Variants in SETD1B observed in about 807,000 individuals in gnomAD.
The protein encoded by SETD1B is SET domain containing 1B, histone lysine methyltransferase.
SETD1B carries 7 observed loss-of-function variants against 148.0 expected under a neutral mutation model. The observed-to-expected ratio is 0.05, with a 90% confidence interval of 0.03 to 0.09. The LOEUF (loss-of-function observed/expected upper bound fraction) is 0.09. SETD1B is among the 10% of genes least tolerant of loss of function. SETD1B has a pLI of 1.00. For missense variants in SETD1B, 2,155 were observed against 2,729.9 expected, an observed-to-expected ratio of 0.79 and a Z score of 4.69; for synonymous variants, 1,361 against 1,186.5, an observed-to-expected ratio of 1.15 and a Z score of -3.02.
the SETD1B span, among the ~76,000 whole-genome samples, chr12:121,798,544 CT>C: frequency 6.6e-6 from 1 of 152,234 alleles, no homozygotes. Context: ...AGCAGGCATC[CT>C]TATCACTTTA....
Position 121,805,147 on chromosome 12 carries a change from C to G in SETD1B, c.204C>G (p.Val68=). Residue 68 remains valine, a synonymous_variant, in exon 3 of 17, where the codon GTC becomes GTG. Coordinates refer to ENST00000604567, the MANE Select transcript of SETD1B (RefSeq NM_001353345.2). This position sits in a 1 kb window ranked among gnomAD's most constrained non-coding sequence, Gnocchi z 4.2. ...CCAGCAACCGCCCGGTGGAAATTGT[C>G]GAAGATCCCCGGGTCGTCGGGATCT... ...AMSSNRPVEI[V]EDPRVVGIWT... is the part of the protein sequence containing the mutation. 1 of 1,551,648 alleles carries G rather than the reference C, an allele frequency of 6.4e-7. No homozygotes were observed. The highest frequency in any genetic ancestry group is 8.7e-7 in the Non-Finnish European group (1 of 1,146,978).
chr12:121,822,814 C>T lies in SETD1B; in HGVS notation c.4235C>T (p.Ala1412Val). 6.6e-7 allele frequency: 1 copy of T among 1,505,240 alleles called. No individual in the cohort carries two copies. The allele number at this position is 1,505,240 out of a possible 1,614,324, so 93.2% of individuals were successfully genotyped here. Reference sequence around the variant, plus strand: ...CCCGGCAGCCCCTTCTCCTACCCAGCCCCGTCCCCTAGCTTGAGCAGTGGG... The same window carrying T: ...CCCGGCAGCCCCTTCTCCTACCCAGTCCCGTCCCCTAGCTTGAGCAGTGGG... ...QVPGSPFSYP[A>V]PSPSLSSGGL... The change falls in exon 12 of 17, where the codon GCC (alanine) becomes GTC (valine). Residue 1412 changes from alanine (A) to valine (V), a missense_variant. This residue lies in a region of SETD1B where 862 missense variants were observed against 873.8 expected (regional missense o/e 0.99). Transcript: ENST00000604567.
At chr12:121,797,609 G>A in the SETD1B span, 2 of 456,404 alleles carry the variant, frequency 4.4e-6, no homozygotes, top group South Asian at 1.5e-5. Context: ...ATCCAGGGAG[G>A]GGAGAAACTG....
the SETD1B span, among the ~76,000 whole-genome samples, chr12:121,798,283 C>G: frequency 1.3e-5 from 2 of 152,354 alleles, no homozygotes; most frequent in East Asian, 3.9e-4. Context: ...GGGGAAAGGC[C>G]TGCAGCTGGA....
rs897085247 is a variant in SETD1B at position 121,804,300 on chromosome 12, C to G, written c.-15+67C>G. The G allele has an allele frequency of 2.1e-5, 3 of 146,008 alleles. No homozygotes were observed. Among genetic ancestry groups the G allele is most frequent in the Admixed American group, 2.0e-4 (3 of 14,734 alleles). 9.0% of individuals were successfully genotyped at this position (146,008 alleles called of 1,614,324 possible). A position where few individuals can be genotyped will look rare whatever the true frequency, so the allele number is the denominator to read the frequency against. ...GGGCGGCCCAAGCCCCCGGCCCCGG[C>G]CCTGGCCCGAGCGGGCGAGCGGGCG... On this transcript the variant is annotated intron_variant, in intron 1 of 16. Transcript: ENST00000604567. The surrounding 1 kb of genome is among the most constrained non-coding windows in gnomAD (Gnocchi z 4.6).
chr12:121,808,435 G>C lies in SETD1B; in HGVS notation c.657+115G>C. 3.0e-6 allele frequency: 2 copies of C among 661,644 alleles called. No homozygotes were observed. Among genetic ancestry groups the C allele is most frequent in the Admixed American group, 2.5e-5 (1 of 40,098 alleles). 41.0% of individuals were successfully genotyped at this position (661,644 alleles called of 1,614,324 possible). A position where few individuals can be genotyped will look rare whatever the true frequency, so the allele number is the denominator to read the frequency against. On this transcript the variant is annotated intron_variant, in intron 5 of 16. Transcript: ENST00000604567. This position sits in a 1 kb window ranked among gnomAD's most constrained non-coding sequence, Gnocchi z 5.3. ...CCCAGCCTACCCCCACCTCACTCCAGCTTTGGAGACCAAGGCCTAGGAGGG... is the reference window on the plus strand; with the variant it reads ...CCCAGCCTACCCCCACCTCACTCCACCTTTGGAGACCAAGGCCTAGGAGGG...
chr12:121,807,457 A>AAAAG (rs762603037), intron 4 of SETD1B, among the ~76,000 whole-genome samples: 32 of 144,558 alleles, frequency 2.2e-4, no homozygotes, highest in African/African-American at 6.4e-4. Flanking sequence ...AAAAAAAAAA[A>AAAAG]AAAAGAAAAG....
rs758061996 is a variant in SETD1B at position 121,805,103 on chromosome 12, A to G, written c.175-15A>G. On this transcript the variant is annotated splice_polypyrimidine_tract_variant and intron_variant, in intron 2 of 16. Transcript: ENST00000604567. The surrounding 1 kb of genome is among the most constrained non-coding windows in gnomAD (Gnocchi z 4.2). ...ACCAGTTCTCTCATCCCGGCCCCCC[A>G]ATTTCTCCCCACAGATGTCCAGCAA... The G allele has an allele frequency of 1.3e-6, 2 of 1,550,626 alleles. No homozygotes were observed. The highest frequency in any genetic ancestry group is 2.4e-5 in the South Asian group (2 of 84,026).
chr12:121,807,621 G>A (rs746548539), intron 4 of SETD1B, among the ~76,000 whole-genome samples: 16 of 151,880 alleles, frequency 1.1e-4, no homozygotes. Context: ...ATAACCCCTG[G>A]GCCCTGGTCT....
chr12:121,807,651 G>T (rs1464682752), intron 4 of SETD1B, among the ~76,000 whole-genome samples: 1 of 152,076 alleles, frequency 6.6e-6, no homozygotes, highest in Non-Finnish European at 1.5e-5. Context: ...TCCTTCTGCT[G>T]AGGGGTGGAG....
intron 13 of SETD1B, among the ~76,000 whole-genome samples, chr12:121,826,903 ATATGC>A (rs1321504469): frequency 6.6e-6 from 1 of 151,654 alleles, no homozygotes; most frequent in Non-Finnish European, 1.5e-5. Context: ...GGGGAGGCTG[ATATGC>A]TATCACCACG....
chr12:121,814,098 C>G lies in SETD1B; in HGVS notation c.1891-8C>G. The G allele has an allele frequency of 6.5e-7, 1 of 1,545,736 alleles. No individual in the cohort carries two copies. The highest frequency in any genetic ancestry group is 2.5e-5 in the East Asian group (1 of 40,794). On this transcript the variant is annotated splice_region_variant and splice_polypyrimidine_tract_variant and intron_variant, in intron 6 of 16. Transcript: ENST00000604567. ...TCACCTCACTGTCTCTCCCTGCTCT[C>G]TCTGCAGGGCCAGCAGTCCTCAGGC...
upstream of SETD1B, chr12:121,801,035 G>C (rs1302461086): frequency 2.6e-5 from 4 of 152,214 alleles, no homozygotes; most frequent in Non-Finnish European, 5.9e-5. Flanking sequence ...TTTGGGAGGA[G>C]GAGCGAGCGC....
chr12:121,807,497 T>G (rs545220548), intron 4 of SETD1B, among the ~76,000 whole-genome samples: 1 of 150,012 alleles, frequency 6.7e-6, no homozygotes, highest in South Asian at 2.1e-4. Flanking sequence ...ACAAAAGCCC[T>G]CAGAGACTGC....
At chr12:121,794,724 T>C in the SETD1B span, among the ~76,000 whole-genome samples, 24 of 151,960 alleles carry the variant, frequency 1.6e-4, no homozygotes, top group Non-Finnish European at 2.6e-4. Context: ...CTCCTCACCC[T>C]GGGCGGGCTG....
intron 7 of SETD1B, among the ~76,000 whole-genome samples, chr12:121,816,280 C>T (rs1687743527): frequency 6.6e-6 from 1 of 151,846 alleles, no homozygotes; most frequent in South Asian, 2.1e-4. Flanking sequence ...GCTCCCCTCC[C>T]TCGACCGTGG....
chr12:121,808,676 G>C lies in SETD1B; in HGVS notation c.657+356G>C, dbSNP rs1482160271. Among the ~76,000 whole-genome samples the C allele has an allele frequency of 6.6e-6, 1 of 152,166 alleles. No individual in the cohort carries two copies. Among genetic ancestry groups the C allele is most frequent in the Non-Finnish European group, 1.5e-5 (1 of 68,026 alleles). On this transcript the variant is annotated intron_variant, in intron 5 of 16. Coordinates refer to ENST00000604567, the MANE Select transcript of SETD1B (RefSeq NM_001353345.2). The surrounding 1 kb of genome is among the most constrained non-coding windows in gnomAD (Gnocchi z 5.3). ...GCTGTTTCCGGGGTCCTTAGTGTCT[G>C]GTGTCCTGGGCATGCCACTACCCCT...
intron 13 of SETD1B, among the ~76,000 whole-genome samples, chr12:121,827,048 A>G: frequency 6.6e-6 from 1 of 151,976 alleles, no homozygotes; most frequent in Non-Finnish European, 1.5e-5. Context: ...CCAGGAGAGA[A>G]GTGGTGACTG....
At position 121,814,264 on chromosome 12, in the gene SETD1B, G is replaced by A. The variant is rs1441718076; in HGVS notation, c.2049G>A (p.Pro683=). ...TAGCCCCAACCCTGCCGCTGCCCCC[G>A]CCACCTGGCTTCCCCCCGCTGCCCC... ...SVLAPTLPLP[P]PPGFPPLPPP... Residue 683 remains proline (P), a synonymous_variant, in exon 7 of 17, where the codon CCG becomes CCA. Coordinates refer to ENST00000604567, the MANE Select transcript of SETD1B (RefSeq NM_001353345.2). The A allele has an allele frequency of 2.5e-5, 19 of 775,060 alleles. No individual in the cohort carries two copies. The highest frequency in any genetic ancestry group is 4.8e-4 in the Middle Eastern group (1 of 2,090). The allele number at this position is 775,060 out of a possible 1,614,324, so 48.0% of individuals were successfully genotyped here.
Sources: allele counts gnomAD v4.1 joint callset (sites outside exome capture counted in the v4.1 genomes callset), GRCh38; gene constraint gnomAD v4.1.1; regional missense constraint gnomAD v4.1.1; non-coding constraint Gnocchi (gnomAD v3.1); transcripts MANE v1.5; gene names NCBI Gene and HGNC (gene_info 2026-07-23, HGNC 2026-07-21).